Variants in IQANK1 observed in about 807,000 individuals in gnomAD.
IQANK1 encodes IQ motif and ankyrin repeat containing 1.
In IQANK1, 30 loss-of-function variants were observed where a neutral mutation model predicts 22.6. That is an observed-to-expected ratio of 1.33 (90% CI 0.99 to 1.80). The LOEUF is 1.80. IQANK1 is among the 40% of genes most tolerant of loss of function. IQANK1 has a pLI of 0.00. For synonymous variants in IQANK1, 122 were observed against 99.6 expected (o/e 1.23, Z -1.34); for missense variants, 275 against 235.2 (o/e 1.17, Z -1.11).
At chr8:143,741,294 G>A (rs1241332039) in intron 3 of IQANK1, among the ~76,000 whole-genome samples, 10 of 152,188 alleles carry the variant, frequency 6.6e-5, no homozygotes, top group Non-Finnish European at 7.3e-5. Flanking sequence ...CAGGACCAGG[G>A]AGCTCCATCT....
At chr8:143,778,022 G>A (rs565494195) in intron 7 of IQANK1, among the ~76,000 whole-genome samples, 1 of 152,004 alleles carries the variant, frequency 6.6e-6, no homozygotes, top group Non-Finnish European at 1.5e-5. Flanking sequence ...GTGAAACCCC[G>A]TCTCTACTAA....
In IQANK1 at chr8:143,756,812, T is replaced by TAA. The variant is rs36111952; in HGVS notation, c.176-14661_176-14660dup. Among the ~76,000 whole-genome samples the TAA allele has an allele frequency of 2.8e-4, 38 of 134,298 alleles. No homozygotes were observed. The East Asian group carries it at 4.3e-3, about 15-fold the overall frequency. 88.1% of individuals were successfully genotyped at this position (134,298 alleles called of 152,430 possible). ...GAAACAGTGTCTCTACTAAAAAAATTAAAAAAAAAAAAAAAAGTAGCTGGG... is the reference window on the plus strand; with the variant it reads ...GAAACAGTGTCTCTACTAAAAAAATTAAAAAAAAAAAAAAAAAAGTAGCTGGG... On this transcript the variant is annotated intron_variant, in intron 3 of 13. Transcript: ENST00000527139.
In IQANK1 at chr8:143,790,297, A is replaced by AC. The variant is rs201436745; in HGVS notation, c.1424+30dup. The AC allele has an allele frequency of 5.8e-4, 715 of 1,231,568 alleles. 3 individuals carry two copies. The African/African-American group carries it at 9.3e-3, about 16-fold the overall frequency. 76.3% of individuals were successfully genotyped at this position (1,231,568 alleles called of 1,614,324 possible). ...GTGAGGCAGGCAGGGTGACAGGTAC[A>AC]CCCCACCCCACCTCCCTAGCCCCAC... On this transcript the variant is annotated intron_variant, in intron 13 of 13. Transcript: ENST00000527139.
chr8:143,751,679 A>T lies in IQANK1; in HGVS notation c.175+11731A>T, dbSNP rs192819576. Among the ~76,000 whole-genome samples the T allele has an allele frequency of 8.7e-4, 27 of 31,030 alleles. No individual in the cohort carries two copies. In the East Asian group the frequency reaches 0.01, roughly 12 times the overall value. The allele number at this position is 31,030 out of a possible 152,430, so 20.4% of individuals were successfully genotyped here. On this transcript the variant is annotated intron_variant, in intron 3 of 13. Coordinates refer to ENST00000527139, the MANE Select transcript of IQANK1 (RefSeq NM_001381874.1). ...GTGTGTGTGTGTATATATATATATA[A>T]AATCCTATACAAAACAGACATAGAC... is the stretch of plus-strand genomic sequence containing the variant.
chr8:143,739,813 A>T (rs1428750041), intron 2 of IQANK1, 46 bp from the exon 3 acceptor site: 3 of 676,286 alleles, frequency 4.4e-6, no homozygotes, highest in Middle Eastern at 2.3e-4. Context: ...GCTAATGGGG[A>T]TGGGGGTCTC....
intron 2 of IQANK1, among the ~76,000 whole-genome samples, chr8:143,738,574 G>T (rs991799183): frequency 6.6e-6 from 1 of 152,230 alleles, no homozygotes; most frequent in Non-Finnish European, 1.5e-5. Flanking sequence ...ACAGGCCACG[G>T]GCCCTGCCGG....
At chr8:143,761,323 C>T (rs1554628867) in intron 3 of IQANK1, among the ~76,000 whole-genome samples, 1 of 152,224 alleles carries the variant, frequency 6.6e-6, no homozygotes, top group Non-Finnish European at 1.5e-5. Flanking sequence ...GCCTGCTGCT[C>T]CGGCCCCGGG....
intron 3 of IQANK1, among the ~76,000 whole-genome samples, chr8:143,747,523 CT>C (rs1819054274): frequency 6.6e-6 from 1 of 152,200 alleles, no homozygotes; most frequent in East Asian, 1.9e-4. Flanking sequence ...CCCCTTAGCA[CT>C]GCTTTTGCTG....
At chr8:143,737,790 G>A (rs540667003) in intron 2 of IQANK1, among the ~76,000 whole-genome samples, 44 of 152,276 alleles carry the variant, frequency 2.9e-4, no homozygotes, top group African/African-American at 1.0e-3. Context: ...AGCTGCTGCA[G>A]CCATAGCTGC....
intron 1 of IQANK1, 83 bp downstream of exon 1, chr8:143,734,302 A>T (rs1234598445): frequency 6.6e-6 from 1 of 150,968 alleles, no homozygotes; most frequent in African/African-American, 2.4e-5. Context: ...CTCACCACAC[A>T]CCGGTCTCCC....
At chr8:143,777,163 C>T (rs566447978) in intron 7 of IQANK1, among the ~76,000 whole-genome samples, 6 of 151,116 alleles carry the variant, frequency 4.0e-5, no homozygotes, top group East Asian at 1.9e-4. Context: ...TATATATTAT[C>T]GTATATATAC....
chr8:143,789,382 C>G (rs573229039), intron 9 of IQANK1, 54 bp from the exon 10 acceptor site: 1 of 1,013,900 alleles, frequency 9.9e-7, no homozygotes, highest in Admixed American at 4.3e-5. Flanking sequence ...CAGGAGTGAC[C>G]TGGTCGGAGG....
At chr8:143,740,713 C>T (rs1818886775) in intron 3 of IQANK1, among the ~76,000 whole-genome samples, 1 of 152,202 alleles carries the variant, frequency 6.6e-6, no homozygotes, top group South Asian at 2.1e-4. Context: ...GCAGGCCTGG[C>T]ACCGGCAGCC....
intron 3 of IQANK1, among the ~76,000 whole-genome samples, chr8:143,749,601 T>TA (rs1406687084): frequency 2.9e-5 from 4 of 136,722 alleles, no homozygotes; most frequent in Admixed American, 7.6e-5. Flanking sequence ...ATTTATTTAT[T>TA]TTTTTTTTTT....
At chr8:143,744,205 A>C (rs1478383128) in intron 3 of IQANK1, 2 of 162,252 alleles carry the variant, frequency 1.2e-5, no homozygotes, top group African/African-American at 4.8e-5. Context: ...TTCCTGGCCT[A>C]AGGTCAGCTG....
At chr8:143,784,593 GTTTA>G (rs1162898096) in intron 7 of IQANK1, among the ~76,000 whole-genome samples, 5 of 152,312 alleles carry the variant, frequency 3.3e-5, no homozygotes, top group African/African-American at 1.2e-4. Context: ...AACAAAATGA[GTTTA>G]TTTTTTACTT....
chr8:143,737,614 G>A (rs904733743), intron 2 of IQANK1, among the ~76,000 whole-genome samples: 2 of 152,126 alleles, frequency 1.3e-5, no homozygotes, highest in East Asian at 1.9e-4. Context: ...ACAACAGTCC[G>A]GGACCCCTCC....
intron 3 of IQANK1, among the ~76,000 whole-genome samples, chr8:143,764,188 G>T (rs1342470534): frequency 6.6e-6 from 1 of 152,064 alleles, no homozygotes; most frequent in East Asian, 1.9e-4. Context: ...AGGAAAGGTG[G>T]ACAGCTGCTT....
At chr8:143,773,662 GCCCAGCTAGGGA>G (rs1554630046) in intron 7 of IQANK1, among the ~76,000 whole-genome samples, 1 of 152,088 alleles carries the variant, frequency 6.6e-6, no homozygotes, top group Non-Finnish European at 1.5e-5. Context: ...CAGAGTCTTT[GCCCAGCTAGGGA>G]CCCACCCCCA....
Sources: allele counts gnomAD v4.1 joint callset (sites outside exome capture counted in the v4.1 genomes callset), GRCh38; gene constraint gnomAD v4.1.1; transcripts MANE v1.5; gene names NCBI Gene and HGNC (gene_info 2026-07-23, HGNC 2026-07-21).